The following CCDC28A variants were observed in gnomAD, a reference collection of about 807,000 sequenced individuals.
CCDC28A encodes the protein coiled-coil domain-containing protein 28A.
In CCDC28A, 24 loss-of-function variants were observed where a neutral mutation model predicts 22.1. That is an observed-to-expected ratio of 1.09 (90% CI 0.79 to 1.53). The LOEUF is 1.53. CCDC28A is among the 40% of genes most tolerant of loss of function. The probability of loss-of-function intolerance (pLI) is 0.00; values close to 1 mark genes in which losing one functional copy is unlikely to be tolerated. For missense variants in CCDC28A, 170 were observed against 210.7 expected (o/e 0.81, Z 1.20); for synonymous variants, 83 against 74.7 (o/e 1.11, Z -0.57).
At chr6:138,773,940 C>T (rs1229500250) in intron 1 of CCDC28A, 38 bp downstream of exon 1, 1 of 1,603,044 alleles carries the variant, frequency 6.2e-7, no homozygotes, top group Non-Finnish European at 8.5e-7. Flanking sequence ...GCAACCTGCC[C>T]CTTTAGGCCC....
chr6:138,789,667 A>G (rs2128363338), intron 5 of CCDC28A, among the ~76,000 whole-genome samples: 1 of 152,238 alleles, frequency 6.6e-6, no homozygotes, highest in East Asian at 1.9e-4. Flanking sequence ...TTTACTAAAA[A>G]TACAAAAATT....
intron 5 of CCDC28A, among the ~76,000 whole-genome samples, chr6:138,792,264 C>T (rs1775181314): frequency 1.3e-5 from 2 of 152,034 alleles, no homozygotes; most frequent in African/African-American, 2.4e-5. Flanking sequence ...TGTGGTGGCT[C>T]GCACCTGTAA....
At position 138,792,784 on chromosome 6, in the gene CCDC28A, C is replaced by T. The variant is rs1775191601; in HGVS notation, c.536C>T (p.Pro179Leu). Residue 179 changes from proline to leucine, a missense_variant, in exon 6 of 6, where the codon CCA becomes CTA. By Grantham distance (98) the Pro-to-Leu change is moderately conservative. Transcript: ENST00000617445. The part of the protein sequence containing the change: ...KLHLADAQDV[P>L]NTSAS The stretch of plus-strand genomic sequence containing the variant: ...CATTTGGCAGATGCACAAGATGTTC[C>T]AAATACTTCTGCTAGCTAAAATGAA... 1 of 1,608,322 alleles carries T rather than the reference C, an allele frequency of 6.2e-7. No homozygotes were observed. The highest frequency in any genetic ancestry group is 1.7e-5 in the Admixed American group (1 of 59,968).
At chr6:138,775,636 C>T (rs1443286565) in intron 1 of CCDC28A, among the ~76,000 whole-genome samples, 1 of 152,178 alleles carries the variant, frequency 6.6e-6, no homozygotes, top group Non-Finnish European at 1.5e-5. Flanking sequence ...TCTTCTTAAG[C>T]ATACATTTTG....
In CCDC28A at chr6:138,784,352, TC is replaced by T. The variant is rs60381656; in HGVS notation, c.323-874del. On this transcript the variant is annotated intron_variant, in intron 3 of 5. Coordinates refer to ENST00000617445, the MANE Select transcript of CCDC28A (RefSeq NM_015439.3). ...AAGGGACGATTTTCTTTTCTCTTTT[TC>T]TTTTTTTTTTTTTTTGAGACAAGGT... Among the ~76,000 whole-genome samples, 133 of 98,996 alleles carry T rather than the reference TC, an allele frequency of 1.3e-3. 2 individuals carry two copies. The East Asian group carries it at 0.017, about 13-fold the overall frequency. The allele number at this position is 98,996 out of a possible 152,430, so 64.9% of individuals were successfully genotyped here.
chr6:138,790,445 C>T (rs550523397), intron 5 of CCDC28A, among the ~76,000 whole-genome samples: 158 of 152,276 alleles, frequency 1.0e-3, no homozygotes, highest in African/African-American at 3.5e-3. Flanking sequence ...CCACCACGCC[C>T]GGCCCTTTTT....
intron 1 of CCDC28A, among the ~76,000 whole-genome samples, chr6:138,774,192 G>C (rs1478602014): frequency 6.6e-6 from 1 of 152,202 alleles, no homozygotes; most frequent in Non-Finnish European, 1.5e-5. Context: ...TGTGACAGAT[G>C]TAATTTTCCA....
intron 3 of CCDC28A, among the ~76,000 whole-genome samples, chr6:138,782,638 G>A (rs565357309): frequency 2.0e-5 from 3 of 151,960 alleles, no homozygotes; most frequent in South Asian, 4.1e-4. Context: ...ACACAAACAC[G>A]TATCTTGAGA....
chr6:138,775,052 G>A (rs1011660484), intron 1 of CCDC28A, among the ~76,000 whole-genome samples: 5 of 152,216 alleles, frequency 3.3e-5, no homozygotes, highest in Non-Finnish European at 5.9e-5. Context: ...CCATTGTCCT[G>A]CCTCAGCCTC....
chr6:138,787,448 C>T (rs758061511), intron 4 of CCDC28A, among the ~76,000 whole-genome samples: 1 of 152,212 alleles, frequency 6.6e-6, no homozygotes, highest in East Asian at 1.9e-4. Flanking sequence ...TTATAAGCCA[C>T]CAGTTTATGG....
At chr6:138,775,840 A>G (rs1436965671) in intron 1 of CCDC28A, among the ~76,000 whole-genome samples, 10 of 152,128 alleles carry the variant, frequency 6.6e-5, no homozygotes, top group Non-Finnish European at 1.5e-4. Context: ...TATTTGTAGG[A>G]TGAAGAAATA....
intron 1 of CCDC28A, among the ~76,000 whole-genome samples, 156 bp from the exon 2 acceptor site, chr6:138,775,923 G>A (rs530870504): frequency 6.6e-6 from 1 of 152,324 alleles, no homozygotes; most frequent in East Asian, 1.9e-4. Flanking sequence ...TGGGTACATA[G>A]TAGAGTACAT....
In CCDC28A at chr6:138,788,134, T is replaced by C. The variant is rs185483961; in HGVS notation, c.478-232T>C. On this transcript the variant is annotated intron_variant, in intron 4 of 5. Coordinates refer to ENST00000617445, the MANE Select transcript of CCDC28A (RefSeq NM_015439.3). ...CGTCACCACGCCTGTCTAATTTTTT[T>C]ATTTTTTGTAGAGAGGAGGTCTTAC... 1.6e-3 allele frequency among the ~76,000 whole-genome samples: 239 copies of C among 151,382 alleles called. 2 individuals carry two copies. Among genetic ancestry groups the C allele is most frequent in the African/African-American group, 5.4e-3 (224 of 41,264 alleles).
intron 3 of CCDC28A, among the ~76,000 whole-genome samples, chr6:138,784,847 C>G (rs1369175551): frequency 1.3e-5 from 2 of 152,154 alleles, no homozygotes; most frequent in Non-Finnish European, 2.9e-5. Flanking sequence ...GCACGCACCA[C>G]CATGCCCAGC....
At chr6:138,781,472 T>C (rs1435178742) in intron 3 of CCDC28A, among the ~76,000 whole-genome samples, 1 of 152,218 alleles carries the variant, frequency 6.6e-6, no homozygotes, top group African/African-American at 2.4e-5. Flanking sequence ...ATTTTAACTT[T>C]AATAGAAGTA....
At chr6:138,776,399 A>G in intron 2 of CCDC28A, 121 bp downstream of exon 2, 1 of 732,692 alleles carries the variant, frequency 1.4e-6, no homozygotes, top group Non-Finnish European at 2.3e-6. Context: ...GGCACCCATT[A>G]TGCGTGATTT....
At chr6:138,785,141 A>G (rs1775072464) in intron 3 of CCDC28A, 86 bp from the exon 4 acceptor site, 3 of 748,290 alleles carry the variant, frequency 4.0e-6, no homozygotes, top group African/African-American at 1.8e-5. Flanking sequence ...TGTTTCTTTT[A>G]GAGCACCTAG....
Position 138,776,014 on chromosome 6 carries a change from C to T in CCDC28A, c.-42-65C>T, listed in dbSNP as rs1057347013. 2.7e-5 allele frequency: 36 copies of T among 1,351,358 alleles called. No homozygotes were observed. In the African/African-American group the frequency reaches 4.2e-4, roughly 16 times the overall value. The allele number at this position is 1,351,358 out of a possible 1,614,324, so 83.7% of individuals were successfully genotyped here. A position where few individuals can be genotyped will look rare whatever the true frequency, so the allele number is the denominator to read the frequency against. ...CCTCTTTTGACCCTGTGAAATGGGTCTTTGAATTTCTTTCATGTTTGCATA... is the reference window on the plus strand; with the variant it reads ...CCTCTTTTGACCCTGTGAAATGGGTTTTTGAATTTCTTTCATGTTTGCATA... On this transcript the variant is annotated intron_variant, in intron 1 of 5. Transcript: ENST00000617445.
intron 3 of CCDC28A, among the ~76,000 whole-genome samples, chr6:138,783,688 T>C (rs1240878224): frequency 8.6e-5 from 13 of 151,958 alleles, no homozygotes; most frequent in Non-Finnish European, 1.6e-4. Context: ...TCCACCCGCC[T>C]CGGCCTCCCA....
Sources: gnomAD v4.1 joint callset for allele counts (sites outside exome capture counted in the v4.1 genomes callset) on GRCh38, gnomAD v4.1.1 for gene constraint, MANE v1.5 for transcripts, NCBI Gene and HGNC (gene_info 2026-07-23, HGNC 2026-07-21) for gene names.